Variants in KCNU1 observed in about 807,000 individuals in gnomAD.
KCNU1 encodes potassium calcium-activated channel subfamily U member 1.
In KCNU1, 93 loss-of-function variants were observed where a neutral mutation model predicts 126.8. That is an observed-to-expected ratio of 0.73 (90% CI 0.62 to 0.87). KCNU1 has a LOEUF of 0.87. Ranked by LOEUF, KCNU1 falls within the 40% of genes least tolerant of loss-of-function variation. The pLI, the probability that KCNU1 is intolerant of heterozygous loss-of-function variation, is 0.00. For synonymous variants in KCNU1, 523 were observed against 494.2 expected (o/e 1.06, Z -0.77); for missense variants, 1,330 against 1,367.1 (o/e 0.97, Z 0.43).
In KCNU1 at chr8:36,803,896, T is replaced by C. The variant is rs1280768695; in HGVS notation, c.316-131T>C. On this transcript the variant is annotated intron_variant, in intron 2 of 26. Transcript: ENST00000399881. ...AACAGATGAATGAATGAATGAATACTAACATAAGTGAATATGTGAATAAAT... is the reference window on the plus strand; with the variant it reads ...AACAGATGAATGAATGAATGAATACCAACATAAGTGAATATGTGAATAAAT... The C allele has an allele frequency of 5.7e-6, 4 of 698,138 alleles. No individual in the cohort carries two copies. In the African/African-American group the frequency reaches 7.2e-5, roughly 12 times the overall value. 43.2% of individuals were successfully genotyped at this position (698,138 alleles called of 1,614,324 possible).
At chr8:36,815,346 A>G (rs1803869159) in intron 8 of KCNU1, among the ~76,000 whole-genome samples, 1 of 152,134 alleles carries the variant, frequency 6.6e-6, no homozygotes. Context: ...AGGATAAGAC[A>G]TGTGGGGAAA....
chr8:36,829,682 G>T (rs1804458468), intron 10 of KCNU1, among the ~76,000 whole-genome samples: 1 of 150,888 alleles, frequency 6.6e-6, no homozygotes. Flanking sequence ...GAAATTTAAT[G>T]CGAATCTAAT....
chr8:36,820,547 G>C (rs929623575), intron 10 of KCNU1, among the ~76,000 whole-genome samples: 1 of 151,192 alleles, frequency 6.6e-6, no homozygotes, highest in Admixed American at 6.6e-5. Context: ...AAGCTAAGAA[G>C]ATTTCCCAAA....
Position 36,833,555 on chromosome 8 carries a change from A to T in KCNU1, c.1108A>T (p.Thr370Ser), listed in dbSNP as rs1329965653. Residue 370 changes from threonine (T) to serine (S), a missense_variant and splice_region_variant, in exon 11 of 27, where the codon ACC becomes TCC. Physicochemically the swap from Thr to Ser is moderately conservative, Grantham distance 58 (BLOSUM62 1). Around this residue, in one of 3 missense-constraint regions of KCNU1, gnomAD observed 1,054 missense variants for 1,053.9 expected, o/e 1.00. Transcript: ENST00000399881. ...INTEIVFLGE[T>S]PPSLELETIF... is the part of the protein sequence containing the mutation. ...GCTGCCACGTTCTTTTTTGTCCAGAACCCCTCCTTCTTTGGAACTTGAAAC... is the reference window on the plus strand; with the variant it reads ...GCTGCCACGTTCTTTTTTGTCCAGATCCCCTCCTTCTTTGGAACTTGAAAC... 6.3e-7 allele frequency: 1 copy of T among 1,597,008 alleles called. No homozygotes were observed. The highest frequency in any genetic ancestry group is 1.3e-5 in the African/African-American group (1 of 74,344).
chr8:36,819,966 G>T (rs1210896526), intron 10 of KCNU1, among the ~76,000 whole-genome samples: 1 of 152,128 alleles, frequency 6.6e-6, no homozygotes, highest in Non-Finnish European at 1.5e-5. Flanking sequence ...TAGGAGGATT[G>T]ACAGTTCCAG....
chr8:36,892,449 A>G (rs191437969), intron 19 of KCNU1, among the ~76,000 whole-genome samples: 2 of 151,768 alleles, frequency 1.3e-5, no homozygotes, highest in East Asian at 3.9e-4. Context: ...CTTTGCCTAG[A>G]AAGTCTGGGC....
chr8:36,883,179 A>G (rs1806552309), intron 19 of KCNU1, among the ~76,000 whole-genome samples: 2 of 152,198 alleles, frequency 1.3e-5, no homozygotes, highest in Non-Finnish European at 1.5e-5. Context: ...GACATTTAGC[A>G]TGAACCAGCC....
intron 25 of KCNU1, 30 bp downstream of exon 25, chr8:36,931,175 T>C (rs6986249): frequency 0.57 from 866,315 of 1,532,516 alleles, 245,770 homozygotes; most frequent in Admixed American, 0.64. Flanking sequence ...AATTCAGTTT[T>C]TCACTTCTTT....
At chr8:36,874,763 T>A (rs1482524816) in intron 19 of KCNU1, among the ~76,000 whole-genome samples, 1 of 152,144 alleles carries the variant, frequency 6.6e-6, no homozygotes, top group Non-Finnish European at 1.5e-5. Context: ...AAAATAAACA[T>A]CAAGAACAAA....
chr8:36,842,661 T>C (rs1252192536), intron 16 of KCNU1, among the ~76,000 whole-genome samples: 2 of 152,188 alleles, frequency 1.3e-5, no homozygotes, highest in African/African-American at 4.8e-5. Context: ...CAGAATTATT[T>C]GCATAAGTTT....
chr8:36,846,349 A>C (rs1805144687), intron 18 of KCNU1, among the ~76,000 whole-genome samples: 1 of 152,224 alleles, frequency 6.6e-6, no homozygotes, highest in South Asian at 2.1e-4. Context: ...GGATAGCAAG[A>C]AGTTTAAAGT....
chr8:36,927,358 AT>A (rs1482403395), intron 24 of KCNU1, among the ~76,000 whole-genome samples: 1 of 152,096 alleles, frequency 6.6e-6, no homozygotes, highest in Non-Finnish European at 1.5e-5. Flanking sequence ...TATAATTCAG[AT>A]TTGCCTTTAA....
chr8:36,901,511 GAC>G (rs989157842), intron 19 of KCNU1, among the ~76,000 whole-genome samples: 32 of 152,216 alleles, frequency 2.1e-4, no homozygotes, highest in African/African-American at 7.7e-4. Context: ...CTGCTCATGA[GAC>G]ACAGTCTTCA....
rs111512373 is a variant in KCNU1, at chr8:36,865,438, A to G, written c.2009+917A>G. Among the ~76,000 whole-genome samples the G allele has an allele frequency of 2.1e-3, 313 of 152,112 alleles. 12 individuals carry two copies. The highest frequency in any genetic ancestry group is 7.2e-3 in the African/African-American group (297 of 41,512). The stretch of plus-strand genomic sequence containing the variant: ...ATTGCAGCAGTATTCGCAATAGCCA[A>G]GATACAGAAACAACCTAAGTGTTAT... On this transcript the variant is annotated intron_variant, in intron 19 of 26. Transcript: ENST00000399881.
intron 22 of KCNU1, among the ~76,000 whole-genome samples, chr8:36,912,102 A>C (rs1436005468): frequency 6.6e-6 from 1 of 152,204 alleles, no homozygotes; most frequent in Non-Finnish European, 1.5e-5. Context: ...TATCAAGATC[A>C]GGTACTCAAT....
intron 10 of KCNU1, among the ~76,000 whole-genome samples, chr8:36,818,738 T>C (rs1375710566): frequency 6.6e-6 from 1 of 152,224 alleles, no homozygotes. Context: ...CTTCTGGCAC[T>C]GTGTAGTTGA....
At chr8:36,889,338 C>CATCT (rs1806861195) in intron 19 of KCNU1, 2 of 473,434 alleles carry the variant, frequency 4.2e-6, no homozygotes, top group Non-Finnish European at 8.7e-6. Flanking sequence ...TTGGATCTAT[C>CATCT]ACCTGTCATC....
chr8:36,892,942 C>G lies in KCNU1; in HGVS notation c.2010-12766C>G, dbSNP rs189877702. 4.6e-5 allele frequency among the ~76,000 whole-genome samples: 7 copies of G among 151,928 alleles called. No homozygotes were observed. In the East Asian group the frequency reaches 1.4e-3, roughly 30 times the overall value. On this transcript the variant is annotated intron_variant, in intron 19 of 26. Transcript: ENST00000399881. ...GTGAATGTTTCAAAACCTTTTAATA[C>G]CCTCTATAGAAGTCTGTTATTTTCT...
chr8:36,808,861 G>C, intron 7 of KCNU1, 68 bp downstream of exon 7: 1 of 1,120,554 alleles, frequency 8.9e-7, no homozygotes. Flanking sequence ...AAAAATGGAA[G>C]GGAACCTGCT....
Sources: gnomAD v4.1 joint callset for allele counts (sites outside exome capture counted in the v4.1 genomes callset) on GRCh38, gnomAD v4.1.1 for gene constraint, gnomAD v4.1.1 regional missense constraint, MANE v1.5 for transcripts, NCBI Gene and HGNC (gene_info 2026-07-23, HGNC 2026-07-21) for gene names.